The following GALNTL6 variants were observed in gnomAD, a reference collection of about 807,000 sequenced individuals.
The protein encoded by GALNTL6 is polypeptide N-acetylgalactosaminyltransferase-like 6.
Under a neutral mutation model 73.7 loss-of-function variants are expected in GALNTL6, and 46 were observed. The ratio of observed to expected loss-of-function variants is 0.62; its 90% CI spans 0.49 to 0.80. The LOEUF (loss-of-function observed/expected upper bound fraction) is 0.80, where lower values mean the gene tolerates loss of function less well. GALNTL6 is among the 30% of genes least tolerant of loss of function. GALNTL6 has a pLI of 0.00. For synonymous variants in GALNTL6, 259 were observed against 263.7 expected, an observed-to-expected ratio of 0.98 and a Z score of 0.17; for missense variants, 604 against 755.0, an observed-to-expected ratio of 0.80 and a Z score of 2.34.
intron 10 of GALNTL6, among the ~76,000 whole-genome samples, chr4:172,969,688 C>A (rs1357270980): frequency 1.3e-5 from 2 of 152,188 alleles, no homozygotes; most frequent in Non-Finnish European, 2.9e-5. Flanking sequence ...TATATCCAAC[C>A]AAACTATCCC....
intron 2 of GALNTL6, among the ~76,000 whole-genome samples, chr4:171,911,575 A>G (rs1162840240): frequency 1.3e-5 from 2 of 152,228 alleles, no homozygotes; most frequent in African/African-American, 2.4e-5. Context: ...TTAAGCACAT[A>G]GAGTCTGATA....
chr4:172,209,217 G>A (rs916762109), intron 2 of GALNTL6, among the ~76,000 whole-genome samples: 4 of 152,126 alleles, frequency 2.6e-5, no homozygotes, highest in African/African-American at 7.2e-5. Flanking sequence ...GAAAACTTCT[G>A]ATGTGAACAA....
chr4:171,854,100 G>T (rs1460590908), intron 2 of GALNTL6, among the ~76,000 whole-genome samples: 2 of 152,086 alleles, frequency 1.3e-5, no homozygotes, highest in East Asian at 3.9e-4. Context: ...ATATACTCTT[G>T]CTGGGTTCCC....
chr4:172,065,532 AC>A (rs1242980562), intron 2 of GALNTL6, among the ~76,000 whole-genome samples: 1 of 151,974 alleles, frequency 6.6e-6, no homozygotes, highest in Non-Finnish European at 1.5e-5. Context: ...AGTCTTTGTA[AC>A]CTTTGACCTC....
chr4:172,864,025 C>T (rs1744533608), intron 7 of GALNTL6, among the ~76,000 whole-genome samples: 1 of 152,204 alleles, frequency 6.6e-6, no homozygotes, highest in African/African-American at 2.4e-5. Context: ...TTCCCCTGCA[C>T]ATGCTCCCTC....
intron 2 of GALNTL6, among the ~76,000 whole-genome samples, chr4:171,890,285 C>T (rs1736725552): frequency 1.3e-5 from 2 of 152,200 alleles, no homozygotes; most frequent in South Asian, 4.1e-4. Flanking sequence ...ATTTTCTTCT[C>T]TTCAGATATA....
intron 3 of GALNTL6, among the ~76,000 whole-genome samples, chr4:172,290,733 T>C (rs1739439345): frequency 6.6e-6 from 1 of 151,816 alleles, no homozygotes; most frequent in South Asian, 2.1e-4. Context: ...TAACATGATA[T>C]AAAATATTTA....
intron 2 of GALNTL6, among the ~76,000 whole-genome samples, chr4:171,836,813 A>C (rs980072807): frequency 6.6e-6 from 1 of 152,270 alleles, no homozygotes; most frequent in Admixed American, 6.5e-5. Context: ...AAATAGATCA[A>C]ATAAGTAAAT....
chr4:172,747,053 G>GA (rs1366724247), intron 5 of GALNTL6, among the ~76,000 whole-genome samples: 2 of 151,818 alleles, frequency 1.3e-5, no homozygotes, highest in Middle Eastern at 3.4e-3. Context: ...ATCTGTCAAA[G>GA]AAAAAATAAG....
chr4:172,777,065 G>T (rs1258434246), intron 5 of GALNTL6, among the ~76,000 whole-genome samples: 1 of 152,042 alleles, frequency 6.6e-6, no homozygotes, highest in Non-Finnish European at 1.5e-5. Context: ...GAACATTTAA[G>T]ATTTACTCTT....
chr4:172,901,733 A>G (rs572510412), intron 8 of GALNTL6, among the ~76,000 whole-genome samples: 65 of 152,304 alleles, frequency 4.3e-4, no homozygotes, highest in Non-Finnish European at 6.2e-4. Context: ...ACAGTATTTG[A>G]CTAGGAGTGC....
chr4:172,254,332 T>A (rs1737995360), intron 3 of GALNTL6, among the ~76,000 whole-genome samples: 1 of 151,818 alleles, frequency 6.6e-6, no homozygotes, highest in African/African-American at 2.4e-5. Context: ...TATGATAAAT[T>A]AGATATTAAT....
chr4:172,991,499 A>C (rs562835284), intron 10 of GALNTL6, among the ~76,000 whole-genome samples: 2 of 152,118 alleles, frequency 1.3e-5, no homozygotes, highest in East Asian at 3.9e-4. Context: ...TCCCAGGTTC[A>C]AGCGATTCTC....
intron 5 of GALNTL6, among the ~76,000 whole-genome samples, chr4:172,736,194 C>G (rs1283894538): frequency 6.6e-6 from 1 of 152,184 alleles, no homozygotes; most frequent in East Asian, 1.9e-4. Context: ...TTTCCCAATC[C>G]TAGCAAGCTG....
chr4:172,072,584 G>A (rs576051285), intron 2 of GALNTL6, among the ~76,000 whole-genome samples: 4 of 152,076 alleles, frequency 2.6e-5, no homozygotes, highest in Non-Finnish European at 4.4e-5. Flanking sequence ...ACCTCACAAC[G>A]TACTGTACTG....
At chr4:172,693,871 T>C (rs1360421612) in intron 5 of GALNTL6, among the ~76,000 whole-genome samples, 1 of 152,240 alleles carries the variant, frequency 6.6e-6, no homozygotes, top group Non-Finnish European at 1.5e-5. Flanking sequence ...TGATGAACCC[T>C]CTGTGGCTTT....
intron 2 of GALNTL6, among the ~76,000 whole-genome samples, chr4:172,039,933 G>T (rs1381400746): frequency 6.6e-6 from 1 of 150,740 alleles, no homozygotes; most frequent in African/African-American, 2.4e-5. Context: ...CAACTTCAGG[G>T]CAAAAAAAAA....
Position 172,227,095 on chromosome 4 carries a change from G to A in GALNTL6, c.139-2561G>A, listed in dbSNP as rs748638931. Among the ~76,000 whole-genome samples the A allele has an allele frequency of 1.3e-5, 2 of 152,074 alleles. 1 individual carries two copies. The highest frequency in any genetic ancestry group is 4.8e-5 in the African/African-American group (2 of 41,410). ...CCTATTCATACTCATGAGTGAAGTCGTGAAAATAGTGATATGAAGTTCTCT... is the reference window on the plus strand; with the variant it reads ...CCTATTCATACTCATGAGTGAAGTCATGAAAATAGTGATATGAAGTTCTCT... On this transcript the variant is annotated intron_variant, in intron 2 of 12. Coordinates refer to ENST00000506823, the MANE Select transcript of GALNTL6 (RefSeq NM_001034845.3).
chr4:173,039,864 G>A, intron 12 of GALNTL6, 69 bp from the exon 13 acceptor site: 3 of 1,143,406 alleles, frequency 2.6e-6, no homozygotes, highest in Non-Finnish European at 3.8e-6. Context: ...TCTTACTTCT[G>A]TATATTTTGG....
Sources: allele counts gnomAD v4.1 joint callset (sites outside exome capture counted in the v4.1 genomes callset), GRCh38; gene constraint gnomAD v4.1.1; transcripts MANE v1.5; gene names NCBI Gene and HGNC (gene_info 2026-07-23, HGNC 2026-07-21).